GRAMD1B: variants seen among roughly 807,000 people sequenced by gnomAD.
GRAMD1B encodes the protein protein Aster-B.
Under a neutral mutation model 99.7 loss-of-function variants are expected in GRAMD1B, and 37 were observed. That is an observed-to-expected ratio of 0.37 (90% confidence interval 0.29 to 0.49). GRAMD1B has a LOEUF of 0.49. GRAMD1B is among the 20% of genes least tolerant of loss of function. The probability of loss-of-function intolerance (pLI) is 0.98; values close to 1 mark genes in which losing one functional copy is unlikely to be tolerated. For missense variants in GRAMD1B, 888 were observed against 1,009.2 expected (o/e 0.88, Z 1.63); for synonymous variants, 427 against 387.6 (o/e 1.10, Z -1.19).
chr11:123,528,727 A>C (rs12287086), intron 2 of GRAMD1B, among the ~76,000 whole-genome samples: 4,715 of 152,058 alleles, frequency 0.031, 254 homozygotes, highest in African/African-American at 0.11. Context: ...TATATTCATT[A>C]GGTCAGTTAG....
intron 17 of GRAMD1B, among the ~76,000 whole-genome samples, chr11:123,616,927 A>G (rs1954483462): frequency 6.6e-6 from 1 of 152,212 alleles, no homozygotes; most frequent in Non-Finnish European, 1.5e-5. Flanking sequence ...TGGCACTGAA[A>G]TTCAACATAA....
chr11:123,544,272 A>C (rs1453644024), intron 2 of GRAMD1B, among the ~76,000 whole-genome samples: 1 of 152,154 alleles, frequency 6.6e-6, no homozygotes, highest in Non-Finnish European at 1.5e-5. Flanking sequence ...TATTGTAGAG[A>C]AATCAAGGCT....
At chr11:123,504,248 C>T (rs545113770) in intron 2 of GRAMD1B, among the ~76,000 whole-genome samples, 107 of 152,304 alleles carry the variant, frequency 7.0e-4, no homozygotes, top group African/African-American at 2.4e-3. Flanking sequence ...GCACAAGGTA[C>T]GAGCTCCCCT....
chr11:123,529,171 C>T (rs1226420503), intron 2 of GRAMD1B, among the ~76,000 whole-genome samples: 3 of 107,954 alleles, frequency 2.8e-5, no homozygotes, highest in Non-Finnish European at 4.5e-5. Context: ...CTCACACCTC[C>T]GACACATGTG....
chr11:123,536,037 C>T (rs568828213), intron 2 of GRAMD1B, among the ~76,000 whole-genome samples: 67 of 152,260 alleles, frequency 4.4e-4, no homozygotes, highest in African/African-American at 1.6e-3. Context: ...CCTCTGGGGA[C>T]AGATGCACAT....
intron 2 of GRAMD1B, among the ~76,000 whole-genome samples, chr11:123,559,044 T>C (rs996765005): frequency 6.6e-6 from 1 of 152,220 alleles, no homozygotes; most frequent in Non-Finnish European, 1.5e-5. Context: ...CAGACAAAAC[T>C]GTCTTTTTGG....
At chr11:123,422,332 A>G (rs1253988604) in intron 1 of GRAMD1B, among the ~76,000 whole-genome samples, 1 of 152,220 alleles carries the variant, frequency 6.6e-6, no homozygotes, top group East Asian at 1.9e-4. Context: ...TGAATTGTTT[A>G]CAGTTACTGC....
At chr11:123,410,768 T>C (rs1373240183) in intron 1 of GRAMD1B, among the ~76,000 whole-genome samples, 1 of 152,006 alleles carries the variant, frequency 6.6e-6, no homozygotes, top group Admixed American at 6.5e-5. Context: ...TGTGCTAGAG[T>C]GAAGAGAGCA....
intron 2 of GRAMD1B, among the ~76,000 whole-genome samples, chr11:123,566,006 G>A (rs1328759664): frequency 2.6e-5 from 4 of 152,014 alleles, no homozygotes; most frequent in African/African-American, 7.2e-5. Context: ...CTCTCATCCC[G>A]TGTCTTTGCC....
In GRAMD1B at chr11:123,626,720, T is replaced by C. The variant is rs1242340209; in HGVS notation, c.*4125T>C. On this transcript the variant is annotated 3_prime_UTR_variant, in exon 20 of 20. Coordinates refer to ENST00000635736, the MANE Select transcript of GRAMD1B (RefSeq NM_001387025.1). ...TCTAGGCTATGGGACAATCATCCCATTCACCACTTGACATCCTTGACATCC... is the reference window on the plus strand; with the variant it reads ...TCTAGGCTATGGGACAATCATCCCACTCACCACTTGACATCCTTGACATCC... 3 of 152,298 alleles carry C rather than the reference T, an allele frequency of 2.0e-5. No individual in the cohort carries two copies. The highest frequency in any genetic ancestry group is 4.8e-5 in the African/African-American group (2 of 41,434). 9.4% of individuals were successfully genotyped at this position (152,298 alleles called of 1,614,324 possible). A position where few individuals can be genotyped will look rare whatever the true frequency, so the allele number is the denominator to read the frequency against.
intron 1 of GRAMD1B, among the ~76,000 whole-genome samples, chr11:123,437,862 G>A (rs990525974): frequency 1.8e-4 from 28 of 152,188 alleles, no homozygotes; most frequent in Non-Finnish European, 3.7e-4. Context: ...GGAGAGCAGG[G>A]TGATTTTGTG....
At chr11:123,400,528 G>A (rs185597023) in intron 1 of GRAMD1B, among the ~76,000 whole-genome samples, 2 of 152,250 alleles carry the variant, frequency 1.3e-5, no homozygotes, top group South Asian at 2.1e-4. Context: ...TAGTCCTGAA[G>A]GCTGGAAGTC....
intron 1 of GRAMD1B, among the ~76,000 whole-genome samples, chr11:123,380,121 A>T (rs1277280287): frequency 6.6e-6 from 1 of 152,234 alleles, no homozygotes. Flanking sequence ...TCTCCAATTC[A>T]TCAGGTTGTC....
At chr11:123,574,780 C>T (rs964904764) in intron 2 of GRAMD1B, among the ~76,000 whole-genome samples, 9 of 152,064 alleles carry the variant, frequency 5.9e-5, no homozygotes, top group Admixed American at 2.0e-4. Context: ...TGACCAGGGC[C>T]GGAAGCAGGT....
At chr11:123,423,656 CTCTG>C (rs1431073645) in intron 1 of GRAMD1B, among the ~76,000 whole-genome samples, 1 of 152,140 alleles carries the variant, frequency 6.6e-6, no homozygotes, top group Non-Finnish European at 1.5e-5. Context: ...ATGGAATTAT[CTCTG>C]TCTTTCTTCT....
intron 1 of GRAMD1B, among the ~76,000 whole-genome samples, chr11:123,378,390 T>C (rs142638913): frequency 7.9e-4 from 120 of 152,356 alleles, no homozygotes; most frequent in African/African-American, 2.8e-3. Flanking sequence ...AGGGTTGTGC[T>C]AGGTGTTTTC....
In GRAMD1B at chr11:123,600,503, A is replaced by G. The variant is rs376332470; in HGVS notation, c.1005A>G (p.Thr335=). 1.1e-4 allele frequency: 183 copies of G among 1,613,140 alleles called. No homozygotes were observed. The African/African-American group carries it at 1.2e-3, about 11-fold the overall frequency. The part of the protein sequence containing the change: ...FFTSFGARDR[T]YMMMFRLWQN... ...CTTCGTTTGGGGCCCGGGATAGGAC[A>G]TATATGATGATGTTCCGGCTCTGGC... The change falls in exon 8 of 20, where the codon ACA becomes ACG. Residue 335 remains threonine (T), a synonymous_variant. Transcript: ENST00000635736.
Position 123,603,539 on chromosome 11 carries a change from G to T in GRAMD1B, c.1164G>T (p.Met388Ile), listed in dbSNP as rs756273514. 1.3e-6 allele frequency: 2 copies of T among 1,599,662 alleles called. No homozygotes were observed. Among genetic ancestry groups the T allele is most frequent in the East Asian group, 2.2e-5 (1 of 44,826 alleles). ...CCCCTGACGACGACTTCAACACAAT[G>T]GGGTGAGTGAGGCCAAGGGCGGCTG... is the stretch of plus-strand genomic sequence containing the variant. ...YVPPDDDFNT[M>I]GYCEEIPVEE... is the part of the protein sequence containing the mutation. The change falls in exon 9 of 20, where the codon ATG becomes ATT. Residue 388 changes from methionine to isoleucine, a missense_variant and splice_region_variant. Transcript: ENST00000635736.
At chr11:123,607,822 C>CGG (rs200936063) in intron 11 of GRAMD1B, 1 of 152,142 alleles carries the variant, frequency 6.6e-6, no homozygotes, top group African/African-American at 2.4e-5. Flanking sequence ...GCCAAGGGTT[C>CGG]GGGGGGGAGC....
Sources: allele counts gnomAD v4.1 joint callset (sites outside exome capture counted in the v4.1 genomes callset), GRCh38; gene constraint gnomAD v4.1.1; transcripts MANE v1.5; gene names NCBI Gene and HGNC (gene_info 2026-07-23, HGNC 2026-07-21).